CTNNA3: variants seen among roughly 807,000 people sequenced by gnomAD.
CTNNA3 encodes catenin alpha 3.
Under a neutral mutation model 95.7 loss-of-function variants are expected in CTNNA3, and 76 were observed. The observed-to-expected ratio is 0.79, with a 90% CI of 0.66 to 0.96. The LOEUF is 0.96. CTNNA3 is among the 40% of genes least tolerant of loss of function. CTNNA3 has a pLI of 0.00. For missense variants in CTNNA3, 1,191 were observed against 1,089.8 expected (o/e 1.09, Z -1.31); for synonymous variants, 431 against 374.4 (o/e 1.15, Z -1.74).
At chr10:66,708,911 G>A (rs547093847) in intron 9 of CTNNA3, among the ~76,000 whole-genome samples, 3 of 152,116 alleles carry the variant, frequency 2.0e-5, no homozygotes, top group South Asian at 4.2e-4. Context: ...AATATCAACC[G>A]TTTTTTCTTT....
intron 5 of CTNNA3, among the ~76,000 whole-genome samples, chr10:67,482,216 T>C (rs957437388): frequency 1.3e-5 from 2 of 151,508 alleles, no homozygotes; most frequent in Non-Finnish European, 2.9e-5. Flanking sequence ...GGCTTAGGAT[T>C]GACTTGGCGA....
chr10:67,067,187 T>C (rs765547517), intron 7 of CTNNA3, among the ~76,000 whole-genome samples: 2 of 152,274 alleles, frequency 1.3e-5, no homozygotes, highest in Middle Eastern at 3.4e-3. Flanking sequence ...TAGCAAACTA[T>C]ATGGAGAAAT....
In CTNNA3 at chr10:67,521,918, G is replaced by T. The variant is rs1261377145; in HGVS notation, c.503C>A (p.Ser168Tyr). 2.5e-6 allele frequency: 4 copies of T among 1,612,780 alleles called. No individual in the cohort carries two copies. The highest frequency in any genetic ancestry group is 1.3e-5 in the African/African-American group (1 of 75,030). ...CTTCTGGTAGGTTTTCTGGAGGTCA[G>T]ATTTGTTGGCAACATTTTTGAGAGA... ...FESLKNVANK[S>Y]DLQKTYQKLG... is the part of the protein sequence containing the mutation. Residue 168 changes from serine to tyrosine, a missense_variant, in exon 5 of 18, where the codon TCT (serine) becomes TAT (tyrosine). Physicochemically the swap from Ser to Tyr is moderately radical, Grantham distance 144. Coordinates refer to ENST00000433211, the MANE Select transcript of CTNNA3 (RefSeq NM_013266.4).
intron 3 of CTNNA3, among the ~76,000 whole-genome samples, chr10:67,578,994 G>GTGAT (rs1368085539): frequency 9.3e-5 from 7 of 75,386 alleles, no homozygotes; most frequent in African/African-American, 5.9e-4. Context: ...CCTGATCATA[G>GTGAT]TGATATATAT....
chr10:66,768,045 G>A (rs1266003790), intron 8 of CTNNA3, among the ~76,000 whole-genome samples: 1 of 152,150 alleles, frequency 6.6e-6, no homozygotes, highest in African/African-American at 2.4e-5. Flanking sequence ...TCTATAGGAA[G>A]TACACCAGGG....
intron 7 of CTNNA3, among the ~76,000 whole-genome samples, chr10:66,848,801 C>T (rs889272777): frequency 2.6e-5 from 4 of 152,118 alleles, no homozygotes; most frequent in African/African-American, 9.7e-5. Flanking sequence ...TGAGGAGTAT[C>T]TATGCTGCAA....
chr10:67,227,875 G>A (rs1589051446), intron 5 of CTNNA3, among the ~76,000 whole-genome samples: 1 of 152,118 alleles, frequency 6.6e-6, no homozygotes, highest in Non-Finnish European at 1.5e-5. Flanking sequence ...AAAAAAACTG[G>A]AAATCAACTC....
Position 65,920,452 on chromosome 10 carries a change from T to A in CTNNA3, c.2566A>T (p.Lys856Ter). The stretch of plus-strand genomic sequence containing the variant: ...GGCTTCTCTCTTTTAATCAAGGGTT[T>A]TTTTGCAGGAGCCTTCATTCTCCAC... ...VMWRMKAPAK[K>*]PLIKREKPEE... Residue 856 changes from lysine (K) to a stop codon, truncating the protein, a stop_gained, in exon 18 of 18, where the codon AAA (lysine) becomes TAA (stop). Coordinates refer to ENST00000433211, the MANE Select transcript of CTNNA3 (RefSeq NM_013266.4). LOFTEE classifies it high-confidence loss of function. The A allele has an allele frequency of 6.2e-7, 1 of 1,614,164 alleles. No homozygotes were observed. The highest frequency in any genetic ancestry group is 8.5e-7 in the Non-Finnish European group (1 of 1,180,030).
rs766716780 is a variant in CTNNA3, at chr10:66,927,962, T to G, written c.1048-152438A>C. 6.2e-7 allele frequency: 1 copy of G among 1,613,644 alleles called. No individual in the cohort carries two copies. The highest frequency in any genetic ancestry group is 8.5e-7 in the Non-Finnish European group (1 of 1,179,928). On this transcript the variant is annotated intron_variant, in intron 7 of 17. Transcript: ENST00000433211. The surrounding 1 kb of genome is among the most constrained non-coding windows in gnomAD (Gnocchi z 4.7). ...GCCAGTCCCAAAGAGCTGCAAGGAG[T>G]AAATGTGATCGATGCAGTGAAGAAC...
intron 9 of CTNNA3, among the ~76,000 whole-genome samples, chr10:66,757,684 CT>C (rs1839419841): frequency 6.6e-6 from 1 of 152,164 alleles, no homozygotes; most frequent in Admixed American, 6.5e-5. Context: ...TAGCAGGTCT[CT>C]TGTCCAAAAG....
chr10:66,224,092 C>G (rs2089127201), intron 13 of CTNNA3, among the ~76,000 whole-genome samples: 1 of 152,072 alleles, frequency 6.6e-6, no homozygotes, highest in Admixed American at 6.6e-5. Flanking sequence ...CTACAGTTTT[C>G]CTACCTCACT....
At chr10:67,182,482 C>A (rs1184554907) in intron 6 of CTNNA3, among the ~76,000 whole-genome samples, 1 of 151,994 alleles carries the variant, frequency 6.6e-6, no homozygotes, top group Non-Finnish European at 1.5e-5. Context: ...ACGGGCTAGC[C>A]ATATGTAGAA....
intron 7 of CTNNA3, among the ~76,000 whole-genome samples, chr10:67,148,716 C>G (rs1860950066): frequency 1.3e-5 from 2 of 152,126 alleles, no homozygotes; most frequent in Non-Finnish European, 2.9e-5. Flanking sequence ...GCAAATGTGA[C>G]CCAAGGTGAA....
chr10:67,237,130 A>ATATATATATATATATGTG, intron 5 of CTNNA3, among the ~76,000 whole-genome samples: 1 of 31,238 alleles, frequency 3.2e-5, no homozygotes, highest in African/African-American at 2.9e-4. Flanking sequence ...GTGTATGTAT[A>ATATATATATATATATGTG]TATATATATA....
At chr10:66,365,387 G>C (rs1417701877) in intron 12 of CTNNA3, among the ~76,000 whole-genome samples, 4 of 152,106 alleles carry the variant, frequency 2.6e-5, no homozygotes, top group African/African-American at 7.2e-5. Context: ...ACCTCTCAGG[G>C]GCTGGGGGGA....
chr10:66,959,653 C>T (rs2132764917), intron 7 of CTNNA3, among the ~76,000 whole-genome samples: 1 of 152,268 alleles, frequency 6.6e-6, no homozygotes, highest in South Asian at 2.1e-4. Flanking sequence ...TTATTTGTGC[C>T]AATGCCCCCA....
At chr10:67,620,919 G>A (rs1187280554) in intron 2 of CTNNA3, among the ~76,000 whole-genome samples, 2 of 100,140 alleles carry the variant, frequency 2.0e-5, no homozygotes, top group East Asian at 1.2e-3. Context: ...GTGTGTGTGT[G>A]TGTGTATATA....
intron 17 of CTNNA3, among the ~76,000 whole-genome samples, chr10:65,945,850 T>C (rs1256535183): frequency 6.6e-6 from 1 of 152,164 alleles, no homozygotes; most frequent in African/African-American, 2.4e-5. Context: ...TAAATGTTAG[T>C]TGTCATTGTG....
chr10:66,763,066 G>C (rs1004954831), intron 9 of CTNNA3, among the ~76,000 whole-genome samples: 3 of 152,004 alleles, frequency 2.0e-5, no homozygotes, highest in Non-Finnish European at 2.9e-5. Flanking sequence ...TGTGGGGTGG[G>C]GTGGTAGGGA....
Sources: allele counts gnomAD v4.1 joint callset (sites outside exome capture counted in the v4.1 genomes callset), GRCh38; gene constraint gnomAD v4.1.1; non-coding constraint Gnocchi (gnomAD v3.1); transcripts MANE v1.5; gene names NCBI Gene and HGNC (gene_info 2026-07-23, HGNC 2026-07-21).